TJP1: variants seen among roughly 807,000 people sequenced by gnomAD.
TJP1 encodes tight junction protein ZO-1.
In TJP1, 43 loss-of-function variants were observed where a neutral mutation model predicts 194.2. The ratio of observed to expected loss-of-function variants is 0.22; its 90% confidence interval spans 0.17 to 0.29. TJP1 has a LOEUF of 0.29. Among genes scored for constraint, TJP1 ranks in the 10% least tolerant of loss-of-function variants. The pLI is 1.00. For synonymous variants in TJP1, 801 were observed against 779.0 expected, an observed-to-expected ratio of 1.03 and a Z score of -0.47; for missense variants, 1,971 against 2,185.7, an observed-to-expected ratio of 0.90 and a Z score of 1.96.
intron 2 of TJP1, among the ~76,000 whole-genome samples, chr15:29,797,887 T>A (rs941813448): frequency 6.6e-6 from 1 of 152,162 alleles, no homozygotes; most frequent in Non-Finnish European, 1.5e-5. Flanking sequence ...TTGAATACAT[T>A]TTACCAAAGA....
At chr15:29,852,566 C>T (rs1214204382) in intron 2 of TJP1, among the ~76,000 whole-genome samples, 1 of 152,174 alleles carries the variant, frequency 6.6e-6, no homozygotes, top group Non-Finnish European at 1.5e-5. Flanking sequence ...ATCCAAAACA[C>T]GCAATTACCA....
chr15:29,822,434 G>A lies in TJP1; in HGVS notation c.-406C>T, dbSNP rs993292879. On this transcript the variant is annotated 5_prime_UTR_variant, in exon 1 of 28. Transcript: ENST00000614355. ...GCGGCCGCCAAGGAACGCGGCGTCC[G>A]CTGGCTCAGCCGGCGCCGGCAACTC... 1.7e-4 allele frequency: 167 copies of A among 988,418 alleles called. No homozygotes were observed. The highest frequency in any genetic ancestry group is 1.9e-4 in the Non-Finnish European group (159 of 832,166). 61.2% of individuals were successfully genotyped at this position (988,418 alleles called of 1,614,324 possible). A position where few individuals can be genotyped will look rare whatever the true frequency, so the allele number is the denominator to read the frequency against.
Position 29,708,865 on chromosome 15 carries a change from T to C in TJP1, c.4544A>G (p.Gln1515Arg). The change falls in exon 25 of 28, where the codon CAG becomes CGG. Residue 1515 changes from glutamine to arginine, a missense_variant. By Grantham distance (43) the Gln-to-Arg change is conservative (BLOSUM62 1). Around this residue, in one of 5 missense-constraint regions of TJP1, gnomAD observed 1,108 missense variants for 1,128.5 expected, o/e 0.98. Coordinates refer to ENST00000614355, the MANE Select transcript of TJP1 (RefSeq NM_001330239.4). ...TGCTGGAGTGACTGTTTTCTGAGTCTGTTCAGTTCCATTAACTGGGGCTTT... is the reference window on the plus strand; with the variant it reads ...TGCTGGAGTGACTGTTTTCTGAGTCCGTTCAGTTCCATTAACTGGGGCTTT... The part of the protein sequence containing the change: ...PDKAPVNGTE[Q>R]TQKTVTPAYN... 2 of 1,614,214 alleles carry C rather than the reference T, an allele frequency of 1.2e-6. No individual in the cohort carries two copies. The highest frequency in any genetic ancestry group is 8.5e-7 in the Non-Finnish European group (1 of 1,180,026).
At chr15:29,764,594 A>C (rs925011217) in intron 5 of TJP1, among the ~76,000 whole-genome samples, 1 of 152,120 alleles carries the variant, frequency 6.6e-6, no homozygotes, top group Non-Finnish European at 1.5e-5. Context: ...AGTGGGATGG[A>C]TAAGAGTGGT....
In TJP1 at chr15:29,741,966, T is replaced by C. The variant is rs184834637; in HGVS notation, c.1151-530A>G. 2.7e-3 allele frequency among the ~76,000 whole-genome samples: 413 copies of C among 152,236 alleles called. 5 individuals carry two copies. The highest frequency in any genetic ancestry group is 2.8e-3 in the Non-Finnish European group (188 of 68,016). On this transcript the variant is annotated intron_variant, in intron 9 of 27. Transcript: ENST00000614355. ...GGTCAGACACAGTGGCTTGCACCTG[T>C]AATCCCAACACACTAGGAAGCTGAG...
intron 2 of TJP1, among the ~76,000 whole-genome samples, chr15:29,785,134 T>C (rs1176607993): frequency 6.6e-6 from 1 of 152,148 alleles, no homozygotes; most frequent in East Asian, 1.9e-4. Flanking sequence ...CATGAGAAAA[T>C]GTACAGGATA....
intron 2 of TJP1, among the ~76,000 whole-genome samples, chr15:29,851,218 A>T (rs543171402): frequency 1.5e-4 from 23 of 152,118 alleles, no homozygotes; most frequent in Admixed American, 1.2e-3. Context: ...AAACAATAAA[A>T]TTGATAAACC....
chr15:29,748,507 TGAAA>T (rs973510085), intron 8 of TJP1, among the ~76,000 whole-genome samples: 9 of 151,796 alleles, frequency 5.9e-5, no homozygotes, highest in Non-Finnish European at 1.0e-4. Flanking sequence ...TGGCAATTAT[TGAAA>T]GAAATTGTGA....
chr15:29,785,971 A>G (rs186037611), intron 2 of TJP1, among the ~76,000 whole-genome samples: 1 of 152,324 alleles, frequency 6.6e-6, no homozygotes, highest in East Asian at 1.9e-4. Context: ...AGAGATTTTA[A>G]TGTTATCAAC....
intron 2 of TJP1, among the ~76,000 whole-genome samples, chr15:29,946,179 A>C (rs761583322): frequency 3.3e-5 from 5 of 152,242 alleles, no homozygotes; most frequent in Non-Finnish European, 7.3e-5. Flanking sequence ...TGTTACAAAG[A>C]AATGAATGAC....
At chr15:29,920,972 A>C (rs1001701473) in intron 2 of TJP1, among the ~76,000 whole-genome samples, 1 of 152,228 alleles carries the variant, frequency 6.6e-6, no homozygotes, top group Non-Finnish European at 1.5e-5. Context: ...TGTGAAATGG[A>C]CAGATGGATG....
upstream of TJP1, among the ~76,000 whole-genome samples, chr15:29,825,538 C>T (rs1276629930): frequency 1.3e-5 from 2 of 152,162 alleles, no homozygotes; most frequent in Non-Finnish European, 2.9e-5. Context: ...GATAGAACTA[C>T]TTAATAAAAC....
Position 29,830,050 on chromosome 15 carries a change from A to G in TJP1, c.307-29348T>C, listed in dbSNP as rs2050789804. On this transcript the variant is annotated intron_variant, in intron 2 of 28. Transcript: ENST00000356107. ...AATTTAAAAAAAAAGCCATCTCTAA[A>G]AGCTGAAAACAAATTGAAGAAAGAA... 2.0e-5 allele frequency among the ~76,000 whole-genome samples: 3 copies of G among 152,176 alleles called. No homozygotes were observed. In the East Asian group the frequency reaches 5.8e-4, roughly 29 times the overall value.
chr15:29,767,945 C>T (rs912357394), intron 4 of TJP1, among the ~76,000 whole-genome samples: 1 of 152,166 alleles, frequency 6.6e-6, no homozygotes, highest in African/African-American at 2.4e-5. Flanking sequence ...TCCAGGTTAC[C>T]TGAAACTTCA....
chr15:29,762,250 G>T, intron 6 of TJP1, 85 bp downstream of exon 6: 1 of 1,125,310 alleles, frequency 8.9e-7, no homozygotes, highest in Non-Finnish European at 1.3e-6. Context: ...TGGCAAAACT[G>T]CTTCAAACAA....
At chr15:29,792,592 A>G (rs1177546155) in intron 2 of TJP1, among the ~76,000 whole-genome samples, 3 of 152,226 alleles carry the variant, frequency 2.0e-5, no homozygotes, top group South Asian at 2.1e-4. Context: ...TGGTTCCACA[A>G]AAATTTTAGG....
At chr15:29,780,341 C>T (rs1386049240) in intron 2 of TJP1, among the ~76,000 whole-genome samples, 2 of 151,910 alleles carry the variant, frequency 1.3e-5, no homozygotes, top group Non-Finnish European at 2.9e-5. Flanking sequence ...GCATTAGATT[C>T]TCATAAGGAG....
At chr15:29,901,115 G>A (rs544169803) in intron 2 of TJP1, among the ~76,000 whole-genome samples, 19 of 152,186 alleles carry the variant, frequency 1.2e-4, no homozygotes, top group Middle Eastern at 3.4e-3. Flanking sequence ...GATGAGAATG[G>A]CACAGCTGGG....
intron 8 of TJP1, among the ~76,000 whole-genome samples, chr15:29,754,661 C>T (rs980486990): frequency 3.3e-5 from 5 of 152,150 alleles, no homozygotes; most frequent in African/African-American, 1.2e-4. Flanking sequence ...CATCCCTTGC[C>T]TAAAATGCTT....
Sources: allele counts gnomAD v4.1 joint callset (sites outside exome capture counted in the v4.1 genomes callset), GRCh38; gene constraint gnomAD v4.1.1; regional missense constraint gnomAD v4.1.1; transcripts MANE v1.5; gene names NCBI Gene and HGNC (gene_info 2026-07-23, HGNC 2026-07-21).